The following CEP112 variants were observed in gnomAD, a reference collection of about 807,000 sequenced individuals.
The protein encoded by CEP112 is centrosomal protein 112, also known as centrosomal protein of 112 kDa.
In CEP112, 127 loss-of-function variants were observed where a neutral mutation model predicts 153.0. The observed-to-expected ratio is 0.83, with a 90% CI of 0.72 to 0.96. The LOEUF is 0.96. Among genes scored for constraint, CEP112 ranks in the 40% least tolerant of loss-of-function variants. The probability of loss-of-function intolerance (pLI) is 0.00; values close to 1 mark genes in which losing one functional copy is unlikely to be tolerated. For missense variants in CEP112, 1,089 were observed against 1,101.2 expected, an observed-to-expected ratio of 0.99 and a Z score of 0.16; for synonymous variants, 358 against 374.4, an observed-to-expected ratio of 0.96 and a Z score of 0.51.
chr17:65,677,604 C>T (rs2047297290), intron 24 of CEP112, among the ~76,000 whole-genome samples: 1 of 152,104 alleles, frequency 6.6e-6, no homozygotes, highest in Non-Finnish European at 1.5e-5. Context: ...TGACGTACAT[C>T]TGGTACCTTT....
chr17:65,837,109 A>C (rs918190376), intron 21 of CEP112, among the ~76,000 whole-genome samples: 66 of 152,050 alleles, frequency 4.3e-4, no homozygotes, highest in African/African-American at 1.5e-3. Flanking sequence ...TCAGTGCTCA[A>C]TGTTGCCCAG....
At chr17:66,038,100 C>CAAAAAAAAAAAAAAAAAAAAAAA (rs5821553) in intron 12 of CEP112, among the ~76,000 whole-genome samples, 3 of 105,402 alleles carry the variant, frequency 2.8e-5, no homozygotes, top group African/African-American at 7.7e-5. Context: ...GACTCTGTCT[C>CAAAAAAAAAAAAAAAAAAAAAAA]AAAAAAAAAA....
chr17:66,068,149 A>G (rs959586932), intron 9 of CEP112, among the ~76,000 whole-genome samples: 1 of 152,224 alleles, frequency 6.6e-6, no homozygotes, highest in Admixed American at 6.5e-5. Flanking sequence ...ATACTCACAA[A>G]AACTACAGAA....
At chr17:65,676,961 T>C (rs746222491) in intron 24 of CEP112, among the ~76,000 whole-genome samples, 1 of 152,158 alleles carries the variant, frequency 6.6e-6, no homozygotes, top group African/African-American at 2.4e-5. Context: ...CCTTGGATTA[T>C]CAACCCTAAG....
chr17:66,167,306 C>A (rs934876995), intron 4 of CEP112, among the ~76,000 whole-genome samples: 2 of 152,008 alleles, frequency 1.3e-5, no homozygotes, highest in Admixed American at 6.6e-5. Context: ...GATCACCATA[C>A]CAGTGATGAT....
intron 21 of CEP112, among the ~76,000 whole-genome samples, chr17:65,761,320 CTCAGGCTGGAT>C (rs2052601591): frequency 6.6e-6 from 1 of 151,902 alleles, no homozygotes; most frequent in Non-Finnish European, 1.5e-5. Context: ...CACTATGTTG[CTCAGGCTGGAT>C]TCAAACTCCT....
intron 23 of CEP112, among the ~76,000 whole-genome samples, chr17:65,713,724 A>C (rs1243856970): frequency 1.3e-5 from 2 of 152,016 alleles, no homozygotes; most frequent in Non-Finnish European, 2.9e-5. Context: ...GTAGCTGGGA[A>C]TACAGGCACC....
At chr17:65,675,502 G>A (rs893784088) in intron 24 of CEP112, among the ~76,000 whole-genome samples, 12 of 151,972 alleles carry the variant, frequency 7.9e-5, no homozygotes, top group Non-Finnish European at 1.5e-4. Context: ...CACCATGCTC[G>A]GTACCCCAAA....
At chr17:65,742,505 C>T (rs1462664201) in intron 23 of CEP112, among the ~76,000 whole-genome samples, 1 of 152,116 alleles carries the variant, frequency 6.6e-6, no homozygotes, top group African/African-American at 2.4e-5. Flanking sequence ...CTGAAAGAAT[C>T]GGGGTCCAGA....
intron 22 of CEP112, among the ~76,000 whole-genome samples, chr17:65,749,760 A>ACATTAGATATTATTATCTTTTTGTTGTT (rs141532156): frequency 0.4 from 59,256 of 149,970 alleles, 12,347 homozygotes; most frequent in East Asian, 0.68. Context: ...TGCCCCATGA[A>ACATTAGATATTATTATCTTTTTGTTGTT]CATTAGATAT....
intron 18 of CEP112, among the ~76,000 whole-genome samples, chr17:65,957,556 A>G (rs1424149635): frequency 1.3e-5 from 2 of 152,058 alleles, no homozygotes; most frequent in African/African-American, 2.4e-5. Context: ...TTCATCATCC[A>G]TTTATTCTAA....
At chr17:66,155,593 G>A (rs969182608) in intron 4 of CEP112, among the ~76,000 whole-genome samples, 2 of 151,984 alleles carry the variant, frequency 1.3e-5, no homozygotes, top group Admixed American at 6.6e-5. Context: ...GAGCCAAGTG[G>A]TCTAGTTCAC....
At chr17:65,655,457 C>A in intron 24 of CEP112, 1 of 1,023,616 alleles carries the variant, frequency 9.8e-7, no homozygotes, top group Non-Finnish European at 1.5e-6. Context: ...TTGAATGGGC[C>A]ACAGTGTTTA....
chr17:65,976,596 G>A lies in CEP112; in HGVS notation c.1737-14998C>T, dbSNP rs1415113413. ...ATTCAGACTTTGTTAGTAAGAATTT[G>A]TGATAATTTTGACAGGGGTGAGATA... On this transcript the variant is annotated intron_variant, in intron 17 of 26. Transcript: ENST00000535342. Among the ~76,000 whole-genome samples the A allele has an allele frequency of 2.6e-5, 4 of 151,996 alleles. No homozygotes were observed. In the East Asian group the frequency reaches 7.7e-4, roughly 29 times the overall value.
Position 66,017,135 on chromosome 17 carries a change from C to T in CEP112, c.1656+10366G>A, listed in dbSNP as rs1232872381. Among the ~76,000 whole-genome samples the T allele has an allele frequency of 4.6e-5, 7 of 152,198 alleles. No homozygotes were observed. The East Asian group carries it at 1.3e-3, about 29-fold the overall frequency. ...AGGTTATTGTGAACACCCAAAATCA[C>T]AATGTGCCACAATACAGTAATTCCC... is the stretch of plus-strand genomic sequence containing the variant. On this transcript the variant is annotated intron_variant, in intron 16 of 26. Coordinates refer to ENST00000535342, the MANE Select transcript of CEP112 (RefSeq NM_001199165.4).
chr17:66,153,027 A>G (rs2071273503), intron 4 of CEP112, among the ~76,000 whole-genome samples: 2 of 152,226 alleles, frequency 1.3e-5, no homozygotes, highest in South Asian at 4.1e-4. Flanking sequence ...AGCCACTGAC[A>G]ATACCAAGAG....
Position 66,038,371 on chromosome 17 carries a change from C to G in CEP112, c.1219-8348G>C, listed in dbSNP as rs556926651. Among the ~76,000 whole-genome samples the G allele has an allele frequency of 2.6e-5, 4 of 152,234 alleles. No individual in the cohort carries two copies. The South Asian group carries it at 8.3e-4, about 32-fold the overall frequency. On this transcript the variant is annotated intron_variant, in intron 12 of 26. Coordinates refer to ENST00000535342, the MANE Select transcript of CEP112 (RefSeq NM_001199165.4). ...TTCATTTTATTTTTGATTTTTAAAG[C>G]ATTTTCTGAACACTAATGTTCTACA...
Position 65,750,741 on chromosome 17 carries a change from C to T in CEP112, c.2395-17G>A, listed in dbSNP as rs1598465464. The T allele has an allele frequency of 6.2e-7, 1 of 1,611,634 alleles. No homozygotes were observed. Among genetic ancestry groups the T allele is most frequent in the Admixed American group, 1.7e-5 (1 of 60,012 alleles). ...GCTGTTGGCCTGAAAAACACATGTA[C>T]ATGAACACATACACAGTGACCTGTG... On this transcript the variant is annotated splice_polypyrimidine_tract_variant and intron_variant, in intron 21 of 26. Transcript: ENST00000535342.
chr17:65,652,225 A>G (rs543158266), intron 24 of CEP112, among the ~76,000 whole-genome samples: 3 of 152,288 alleles, frequency 2.0e-5, no homozygotes, highest in East Asian at 3.9e-4. Flanking sequence ...TTGATTTAAT[A>G]AAGTGTAGGG....
Sources: allele counts gnomAD v4.1 joint callset (sites outside exome capture counted in the v4.1 genomes callset), GRCh38; gene constraint gnomAD v4.1.1; transcripts MANE v1.5; gene names NCBI Gene and HGNC (gene_info 2026-07-23, HGNC 2026-07-21).